CBFA2T3: variants seen among roughly 807,000 people sequenced by gnomAD.
CBFA2T3 encodes CBFA2/RUNX1 partner transcriptional co-repressor 3, also known as transcriptional corepressor CBFA2T3.
Under a neutral mutation model 58.6 loss-of-function variants are expected in CBFA2T3, and 31 were observed. That is an observed-to-expected ratio of 0.53 (90% CI 0.40 to 0.71). The LOEUF (loss-of-function observed/expected upper bound fraction) is 0.71. CBFA2T3 is among the 30% of genes least tolerant of loss of function. The probability of loss-of-function intolerance (pLI) is 0.00; values close to 1 mark genes in which losing one functional copy is unlikely to be tolerated. For synonymous variants in CBFA2T3, 531 were observed against 421.9 expected (o/e 1.26, Z -3.17); for missense variants, 1,076 against 963.1 (o/e 1.12, Z -1.55).
intron 8 of CBFA2T3, 155 bp from the exon 9 acceptor site, chr16:88,881,644 G>A (rs994962092): frequency 7.0e-6 from 5 of 715,712 alleles, no homozygotes; most frequent in African/African-American, 1.8e-5. Flanking sequence ...CACCTCCATG[G>A]CTTGCAAAGA....
At chr16:88,923,277 C>A (rs1469515470) in intron 1 of CBFA2T3, among the ~76,000 whole-genome samples, 2 of 152,200 alleles carry the variant, frequency 1.3e-5, no homozygotes, top group African/African-American at 4.8e-5. Flanking sequence ...GGACCCGCAC[C>A]CCCTCCTCAT....
intron 4 of CBFA2T3, 90 bp downstream of exon 4, chr16:88,892,154 A>T: frequency 3.4e-6 from 5 of 1,488,090 alleles, no homozygotes; most frequent in Non-Finnish European, 4.6e-6. Context: ...GTCAGCGTGG[A>T]GCCCATGTAA....
intron 1 of CBFA2T3, among the ~76,000 whole-genome samples, chr16:88,966,412 G>A (rs1291632974): frequency 2.0e-5 from 3 of 152,114 alleles, no homozygotes; most frequent in African/African-American, 4.8e-5. Flanking sequence ...CAGACCTCCC[G>A]GCCCCTCTCC....
chr16:88,914,148 G>A (rs1397833558), intron 1 of CBFA2T3, among the ~76,000 whole-genome samples: 3 of 152,222 alleles, frequency 2.0e-5, no homozygotes, highest in Non-Finnish European at 4.4e-5. Flanking sequence ...CACTGCAAGC[G>A]GTCTCTCACA....
At chr16:88,921,370 G>GC (rs1970913794) in intron 1 of CBFA2T3, among the ~76,000 whole-genome samples, 1 of 152,208 alleles carries the variant, frequency 6.6e-6, no homozygotes, top group African/African-American at 2.4e-5. Flanking sequence ...GATCCTCCGT[G>GC]CCACGCCGCC....
chr16:88,912,724 G>A (rs1970569485), intron 1 of CBFA2T3, among the ~76,000 whole-genome samples: 1 of 152,218 alleles, frequency 6.6e-6, no homozygotes. Flanking sequence ...TAAGGACAAA[G>A]CCCCCTATCT....
At chr16:88,896,728 T>C (rs574032677) in intron 3 of CBFA2T3, among the ~76,000 whole-genome samples, 1 of 152,276 alleles carries the variant, frequency 6.6e-6, no homozygotes, top group South Asian at 2.1e-4. Flanking sequence ...GTCAGGACTG[T>C]GGACCTTCCA....
intron 2 of CBFA2T3, among the ~76,000 whole-genome samples, chr16:88,898,434 T>C (rs1969973313): frequency 6.6e-6 from 1 of 152,212 alleles, no homozygotes; most frequent in Non-Finnish European, 1.5e-5. Flanking sequence ...TGTCACCACC[T>C]GGGGCCAGGC....
At chr16:88,946,828 C>T (rs530334176) in intron 1 of CBFA2T3, among the ~76,000 whole-genome samples, 19 of 152,230 alleles carry the variant, frequency 1.2e-4, no homozygotes, top group Non-Finnish European at 2.4e-4. Flanking sequence ...CTCTGTCTCC[C>T]AGGCTGGAGT....
chr16:88,922,355 G>A (rs572308093), intron 1 of CBFA2T3, among the ~76,000 whole-genome samples: 80 of 152,350 alleles, frequency 5.3e-4, no homozygotes, highest in African/African-American at 1.7e-3. Flanking sequence ...GATCCTCCCC[G>A]GGAAGACTGC....
intron 1 of CBFA2T3, among the ~76,000 whole-genome samples, chr16:88,975,812 G>C (rs929240557): frequency 6.6e-6 from 1 of 152,268 alleles, no homozygotes; most frequent in Non-Finnish European, 1.5e-5. Flanking sequence ...GTGGTCTCCA[G>C]AGATGGGGAC....
intron 1 of CBFA2T3, among the ~76,000 whole-genome samples, chr16:88,943,924 C>T (rs1006192567): frequency 5.3e-4 from 81 of 152,130 alleles, no homozygotes; most frequent in African/African-American, 1.8e-3. Context: ...AGCAGGACCT[C>T]GGAGGGCCAC....
rs1229498049 is a variant in CBFA2T3, at chr16:88,879,525, T to C, written c.1472-65A>G. The C allele has an allele frequency of 1.2e-5, 17 of 1,473,666 alleles. 1 individual carries two copies. In the East Asian group the frequency reaches 3.7e-4, roughly 32 times the overall value. The allele number at this position is 1,473,666 out of a possible 1,614,324, so 91.3% of individuals were successfully genotyped here. On this transcript the variant is annotated intron_variant, in intron 10 of 11. Transcript: ENST00000268679. ...ATCCCAGATGGGTCTCTGGACTTCC[T>C]ACGCGTGGCCACAACCTGGGGACAG...
In CBFA2T3 at chr16:88,883,228, C is replaced by T. The variant is rs576152777; in HGVS notation, c.1118-467G>A. 4.1e-5 allele frequency: 8 copies of T among 193,912 alleles called. No individual in the cohort carries two copies. In the South Asian group the frequency reaches 4.4e-4, roughly 11 times the overall value. The allele number at this position is 193,912 out of a possible 1,614,324, so 12.0% of individuals were successfully genotyped here. A position where few individuals can be genotyped will look rare whatever the true frequency, so the allele number is the denominator to read the frequency against. The stretch of plus-strand genomic sequence containing the variant: ...ACCATGACCTGGACCTGCCTTAGTC[C>T]GTGAATCAATGGGTAACCTCACTGG... On this transcript the variant is annotated intron_variant, in intron 7 of 11. Transcript: ENST00000268679.
chr16:88,891,835 G>T (rs777059568), intron 5 of CBFA2T3, 47 bp downstream of exon 5: 2 of 1,337,932 alleles, frequency 1.5e-6, no homozygotes, highest in Admixed American at 1.7e-5. Context: ...GGATTAAGGG[G>T]CCTTCTAGGG....
chr16:88,944,336 CA>C (rs767482759), intron 1 of CBFA2T3, among the ~76,000 whole-genome samples: 1,710 of 42,336 alleles, frequency 0.04, 12 homozygotes, highest in African/African-American at 0.1. Flanking sequence ...GACTCCATCT[CA>C]AAAAAAAAAA....
chr16:88,969,318 A>G (rs929713374), intron 1 of CBFA2T3, among the ~76,000 whole-genome samples: 6 of 152,318 alleles, frequency 3.9e-5, no homozygotes, highest in African/African-American at 1.4e-4. Flanking sequence ...GGGAGCCCAC[A>G]GGGTGGGGTG....
intron 1 of CBFA2T3, among the ~76,000 whole-genome samples, chr16:88,916,009 GGTGT>G (rs1370145501): frequency 1.3e-5 from 2 of 151,972 alleles, no homozygotes; most frequent in Non-Finnish European, 2.9e-5. Flanking sequence ...TGTGTGCATG[GGTGT>G]GTGTCCGTGT....
At chr16:88,935,428 C>T (rs1022483025) in intron 1 of CBFA2T3, among the ~76,000 whole-genome samples, 3 of 152,230 alleles carry the variant, frequency 2.0e-5, no homozygotes, top group African/African-American at 7.2e-5. Context: ...AGTCAGGTGG[C>T]CTCGGCTCCC....
Sources: allele counts gnomAD v4.1 joint callset (sites outside exome capture counted in the v4.1 genomes callset), GRCh38; gene constraint gnomAD v4.1.1; transcripts MANE v1.5; gene names NCBI Gene and HGNC (gene_info 2026-07-23, HGNC 2026-07-21).